Variants in TEX11 observed in about 807,000 individuals in gnomAD.
The protein encoded by TEX11 is testis expressed 11.
In TEX11, 7 loss-of-function variants were observed where a neutral mutation model predicts 84.4. The observed-to-expected ratio is 0.08, with a 90% confidence interval of 0.05 to 0.16. The LOEUF is 0.16. TEX11 is among the 10% of genes least tolerant of loss of function. The probability of loss-of-function intolerance (pLI) is 1.00; values close to 1 mark genes in which losing one functional copy is unlikely to be tolerated. For missense variants in TEX11, 551 were observed against 660.5 expected, an observed-to-expected ratio of 0.83 and a Z score of 1.82; for synonymous variants, 264 against 222.8, an observed-to-expected ratio of 1.18 and a Z score of -1.64.
chrX:70,772,351 G>A (rs1277593500), intron 9 of TEX11, among the ~76,000 whole-genome samples: 2 of 111,607 alleles, frequency 1.8e-5, no homozygotes, highest in South Asian at 3.8e-4. Context: ...GTGGTGGGAG[G>A]ATCACTTTAG....
intron 5 of TEX11, among the ~76,000 whole-genome samples, chrX:70,859,302 G>C (rs1028120956): frequency 1.1e-4 from 12 of 109,494 alleles, no homozygotes; most frequent in African/African-American, 4.0e-4. Context: ...ATAGGGCTGG[G>C]TGTGGTGGCT....
At chrX:70,806,245 A>G (rs759385468) in intron 9 of TEX11, among the ~76,000 whole-genome samples, 7 of 111,867 alleles carry the variant, frequency 6.3e-5, no homozygotes, top group Non-Finnish European at 1.3e-4. Flanking sequence ...GCCTGAGCTC[A>G]AGAGTTTGAG....
chrX:70,879,016 C>T (rs2091669734), intron 3 of TEX11, among the ~76,000 whole-genome samples: 1 of 111,751 alleles, frequency 8.9e-6, no homozygotes, highest in African/African-American at 3.3e-5. Context: ...TGAAAACAGT[C>T]AGTAAACCAC....
intron 28 of TEX11, among the ~76,000 whole-genome samples, chrX:70,550,219 G>A (rs1410123824): frequency 8.9e-6 from 1 of 112,563 alleles, no homozygotes; most frequent in Non-Finnish European, 1.9e-5. Flanking sequence ...AGATCCCTAT[G>A]TCTTGCCTTA....
intron 25 of TEX11, among the ~76,000 whole-genome samples, chrX:70,583,739 G>A (rs775346410): frequency 9.9e-5 from 11 of 111,612 alleles, no homozygotes; most frequent in African/African-American, 3.2e-4. Context: ...AAAAAATAAC[G>A]ATGTTGGCAA....
intron 13 of TEX11, among the ~76,000 whole-genome samples, chrX:70,685,594 A>G (rs1218071079): frequency 8.9e-6 from 1 of 112,467 alleles, no homozygotes; most frequent in East Asian, 2.8e-4. Flanking sequence ...AAATTTTTAA[A>G]GCAAAAACAA....
intron 7 of TEX11, among the ~76,000 whole-genome samples, chrX:70,845,699 G>A (rs995797938): frequency 2.4e-4 from 27 of 110,289 alleles, no homozygotes; most frequent in African/African-American, 8.6e-4. Flanking sequence ...ATGGTGATGC[G>A]CACCTGTAGT....
In TEX11 at chrX:70,624,025, T is replaced by C. The variant is rs2089424395; in HGVS notation, c.1695-19A>G. The C allele has an allele frequency of 3.4e-6, 4 of 1,178,186 alleles. No individual in the cohort carries two copies. The highest frequency in any genetic ancestry group is 2.3e-5 in the Admixed American group (1 of 44,231). On this transcript the variant is annotated intron_variant, in intron 19 of 29. Transcript: ENST00000374333. The stretch of plus-strand genomic sequence containing the variant: ...CAAACACCTGTATGACAAAGTAATA[T>C]GGAAAGTGATTCTTAGGTTAGGAAG...
At chrX:70,765,056 T>C (rs934126319) in intron 9 of TEX11, among the ~76,000 whole-genome samples, 9 of 111,806 alleles carry the variant, frequency 8.0e-5, no homozygotes, top group African/African-American at 2.9e-4. Context: ...TGAATATTGA[T>C]GCAAAAATCC....
intron 5 of TEX11, among the ~76,000 whole-genome samples, chrX:70,856,312 G>A (rs1005773818): frequency 5.4e-5 from 6 of 110,887 alleles, no homozygotes; most frequent in African/African-American, 2.0e-4. Flanking sequence ...AGAAAATGGC[G>A]GAATGAGGGG....
intron 11 of TEX11, among the ~76,000 whole-genome samples, chrX:70,732,620 A>G (rs1465448927): frequency 8.9e-6 from 1 of 111,743 alleles, no homozygotes; most frequent in Admixed American, 9.5e-5. Flanking sequence ...CTTCAAGAAG[A>G]AGTACAAACC....
chrX:70,727,249 C>A (rs1228269443), intron 11 of TEX11, among the ~76,000 whole-genome samples: 1 of 111,566 alleles, frequency 9.0e-6, no homozygotes, highest in Non-Finnish European at 1.9e-5. Context: ...CTCTGTCTAT[C>A]ATGGCAGGCA....
intron 25 of TEX11, among the ~76,000 whole-genome samples, chrX:70,582,023 T>C (rs1291125940): frequency 8.9e-6 from 1 of 111,968 alleles, no homozygotes; most frequent in Non-Finnish European, 1.9e-5. Flanking sequence ...TATCAATACT[T>C]ACCATATTAT....
chrX:70,825,358 T>C (rs1043528491), intron 8 of TEX11, among the ~76,000 whole-genome samples: 9 of 108,240 alleles, frequency 8.3e-5, no homozygotes, highest in Non-Finnish European at 1.7e-4. Context: ...TGTATATATA[T>C]ATATTGTTCA....
At chrX:70,599,294 C>T (rs1826223201) in intron 24 of TEX11, among the ~76,000 whole-genome samples, 1 of 112,332 alleles carries the variant, frequency 8.9e-6, no homozygotes, top group Non-Finnish European at 1.9e-5. Flanking sequence ...TTACCCACTC[C>T]TGCTCTAGGA....
At chrX:70,772,261 A>G (rs1212969220) in intron 9 of TEX11, among the ~76,000 whole-genome samples, 1 of 111,703 alleles carries the variant, frequency 9.0e-6, no homozygotes, top group African/African-American at 3.3e-5. Context: ...TGCAGATACC[A>G]ACTCAAGGCC....
the TEX11 span, among the ~76,000 whole-genome samples, chrX:70,519,371 A>C: frequency 4.5e-5 from 5 of 111,759 alleles, no homozygotes; most frequent in Admixed American, 3.8e-4. Flanking sequence ...TTCACTTATG[A>C]AGCTTAGTTT....
chrX:70,807,464 T>C (rs1249825473), intron 8 of TEX11, among the ~76,000 whole-genome samples: 1 of 111,928 alleles, frequency 8.9e-6, no homozygotes, highest in Non-Finnish European at 1.9e-5. Context: ...CCTGCATTAA[T>C]GCCATGTTTT....
chrX:70,825,745 G>A (rs1176192084), intron 8 of TEX11, among the ~76,000 whole-genome samples: 1 of 112,015 alleles, frequency 8.9e-6, no homozygotes, highest in African/African-American at 3.2e-5. Context: ...GGAGGCCAAG[G>A]TGGGTGGATC....
Sources: allele counts gnomAD v4.1 joint callset (sites outside exome capture counted in the v4.1 genomes callset), GRCh38; gene constraint gnomAD v4.1.1; transcripts MANE v1.5; gene names NCBI Gene and HGNC (gene_info 2026-07-23, HGNC 2026-07-21).